The following PMPCB variants were observed in gnomAD, a reference collection of about 807,000 sequenced individuals.
The protein encoded by PMPCB is peptidase, mitochondrial processing subunit beta.
Under a neutral mutation model 61.5 loss-of-function variants are expected in PMPCB, and 46 were observed. That is an observed-to-expected ratio of 0.75 (90% CI 0.59 to 0.96). PMPCB has a LOEUF of 0.96. Ranked by LOEUF, PMPCB falls within the 40% of genes least tolerant of loss-of-function variation. The pLI is 0.00. For synonymous variants in PMPCB, 191 were observed against 201.6 expected, an observed-to-expected ratio of 0.95 and a Z score of 0.44; for missense variants, 590 against 602.4, an observed-to-expected ratio of 0.98 and a Z score of 0.22.
At chr7:103,316,970 A>G (rs538109259), downstream of PMPCB, 1 of 1,613,852 alleles carries the variant, frequency 6.2e-7, no homozygotes, top group Admixed American at 1.7e-5. Context: ...TACGAGCCTC[A>G]GCTTCCTCTT....
intron 12 of PMPCB, chr7:103,319,920 A>G: frequency 6.7e-7 from 1 of 1,498,864 alleles, no homozygotes; most frequent in East Asian, 2.3e-5. Context: ...CTGTAATCCC[A>G]GCTACTCGGG....
intron 1 of PMPCB, chr7:103,297,782 T>A: frequency 6.5e-7 from 1 of 1,531,180 alleles, no homozygotes; most frequent in South Asian, 1.2e-5. Flanking sequence ...GACCCTGGTT[T>A]TCGGCTCCTC....
chr7:103,322,527 TG>T, intron 12 of PMPCB: 1 of 1,513,398 alleles, frequency 6.6e-7, no homozygotes. Flanking sequence ...TTTAGCTTCT[TG>T]CTCCTTCCGT....
At chr7:103,301,131 A>G (rs1394452036) in intron 4 of PMPCB, among the ~76,000 whole-genome samples, 1 of 152,238 alleles carries the variant, frequency 6.6e-6, no homozygotes, top group East Asian at 1.9e-4. Flanking sequence ...TGATGTGCAT[A>G]GGTGTTTCCA....
intron 12 of PMPCB, chr7:103,319,977 CAAACTGAG>C: frequency 1.2e-6 from 1 of 846,888 alleles, no homozygotes; most frequent in South Asian, 1.5e-5. Flanking sequence ...GAAATTGCAG[CAAACTGAG>C]ATCACGCCAC....
chr7:103,319,560 G>A, downstream of PMPCB: 1 of 1,563,916 alleles, frequency 6.4e-7, no homozygotes, highest in Non-Finnish European at 8.8e-7. Context: ...ACAGGTCAAA[G>A]CAGAATTAAA....
chr7:103,345,009 T>A, the PMPCB span: 1 of 400,804 alleles, frequency 2.5e-6, no homozygotes, highest in Non-Finnish European at 4.4e-6. Flanking sequence ...TTTAAGTTCT[T>A]ACTGCTTTAT....
chr7:103,331,062 G>T (rs553882773), downstream of PMPCB, among the ~76,000 whole-genome samples: 1 of 151,752 alleles, frequency 6.6e-6, no homozygotes, highest in Non-Finnish European at 1.5e-5. Flanking sequence ...GGGTTCCAGC[G>T]ATTCTCCTGT....
chr7:103,343,255 C>T, the PMPCB span, among the ~76,000 whole-genome samples: 4 of 152,194 alleles, frequency 2.6e-5, no homozygotes, highest in Admixed American at 6.5e-5. Context: ...CCTGCCTCGG[C>T]CTCCCAAAGT....
In PMPCB at chr7:103,314,660, A is replaced by G; in HGVS notation, c.*2389A>G. The G allele has an allele frequency of 1.0e-6, 1 of 985,306 alleles. No homozygotes were observed. The highest frequency in any genetic ancestry group is 1.2e-6 in the Non-Finnish European group (1 of 829,802). 61.0% of individuals were successfully genotyped at this position (985,306 alleles called of 1,614,324 possible). A position where few individuals can be genotyped will look rare whatever the true frequency, so the allele number is the denominator to read the frequency against. On this transcript the variant is annotated 3_prime_UTR_variant, in exon 13 of 13. Transcript: ENST00000249269. ...CCCTGCCTTGTTACTTACCTTTATT[A>G]AAAGAACCGAAATAATGCCTAACTC...
chr7:103,343,448 A>G, the PMPCB span, among the ~76,000 whole-genome samples: 1 of 152,250 alleles, frequency 6.6e-6, no homozygotes, highest in Non-Finnish European at 1.5e-5. Flanking sequence ...ACAAGCTCTC[A>G]ATCTGAAACC....
At chr7:103,309,397 A>G (rs1047343198) in intron 8 of PMPCB, 2 of 197,576 alleles carry the variant, frequency 1.0e-5, no homozygotes, top group African/African-American at 4.6e-5. Context: ...TGTGGGTTCC[A>G]TATCCGTGGA....
At chr7:103,312,029 T>C (rs1400990975) in intron 11 of PMPCB, 27 bp from the exon 12 acceptor site, 2 of 1,604,884 alleles carry the variant, frequency 1.2e-6, no homozygotes, top group Non-Finnish European at 1.7e-6. Flanking sequence ...TACAAACAGC[T>C]GAATGACAGT....
intron 12 of PMPCB, chr7:103,327,436 T>C (rs541238429): frequency 3.7e-6 from 3 of 809,810 alleles, no homozygotes; most frequent in South Asian, 1.5e-5. Context: ...ACTGCATTTC[T>C]AATAAGCTGC....
chr7:103,341,744 A>C, the PMPCB span: 3 of 1,520,848 alleles, frequency 2.0e-6, no homozygotes, highest in South Asian at 1.3e-5. Flanking sequence ...GACTGAACAA[A>C]ATATTCAGAT....
At chr7:103,344,832 A>G in the PMPCB span, 2 of 605,366 alleles carry the variant, frequency 3.3e-6, no homozygotes, top group Non-Finnish European at 5.9e-6. Flanking sequence ...ACCCCCGCCA[A>G]CGTGTGCGGT....
chr7:103,334,656 C>T, the PMPCB span, among the ~76,000 whole-genome samples: 1 of 151,414 alleles, frequency 6.6e-6, no homozygotes. Flanking sequence ...CTATGTTGTC[C>T]AGGTTGGTCT....
downstream of PMPCB, chr7:103,316,047 G>A (rs375684672): frequency 6.2e-7 from 1 of 1,601,250 alleles, no homozygotes; most frequent in South Asian, 1.1e-5. Flanking sequence ...TTTGACTCCA[G>A]AGGAAGAATG....
chr7:103,322,141 T>G (rs1260723217), intron 12 of PMPCB: 1 of 1,277,532 alleles, frequency 7.8e-7, no homozygotes, highest in Non-Finnish European at 1.0e-6. Flanking sequence ...AAATGTTTTA[T>G]AATTTTAAAA....
Sources: allele counts gnomAD v4.1 joint callset (sites outside exome capture counted in the v4.1 genomes callset), GRCh38; gene constraint gnomAD v4.1.1; transcripts MANE v1.5; gene names NCBI Gene and HGNC (gene_info 2026-07-23, HGNC 2026-07-21).